Variants in EDIL3 observed in about 807,000 individuals in gnomAD.
The protein encoded by EDIL3 is EGF like and discoidin domains 3.
A neutral mutation model predicts 67.4 loss-of-function variants in EDIL3; 37 were observed. The ratio of observed to expected loss-of-function variants is 0.55; its 90% confidence interval spans 0.42 to 0.72. The LOEUF (loss-of-function observed/expected upper bound fraction) is 0.72, where lower values mean the gene tolerates loss of function less well. EDIL3 is among the 30% of genes least tolerant of loss of function. The pLI is 0.00. For missense variants in EDIL3, 527 were observed against 586.3 expected, an observed-to-expected ratio of 0.90 and a Z score of 1.04; for synonymous variants, 195 against 196.3, an observed-to-expected ratio of 0.99 and a Z score of 0.05.
intron 1 of EDIL3, among the ~76,000 whole-genome samples, chr5:84,277,709 A>C (rs1580051065): frequency 6.6e-6 from 1 of 152,194 alleles, no homozygotes; most frequent in African/African-American, 2.4e-5. Flanking sequence ...TCATAGACAT[A>C]TATTTTAAAT....
At chr5:84,194,012 C>A (rs1373327603) in intron 3 of EDIL3, among the ~76,000 whole-genome samples, 1 of 151,772 alleles carries the variant, frequency 6.6e-6, no homozygotes, top group Admixed American at 6.6e-5. Context: ...TATAGGGAAC[C>A]ACTTTCACAT....
intron 2 of EDIL3, among the ~76,000 whole-genome samples, chr5:84,233,394 T>TAGA (rs1561229653): frequency 1.5e-4 from 23 of 152,298 alleles, no homozygotes; most frequent in African/African-American, 5.3e-4. Flanking sequence ...CCATCAAAGT[T>TAGA]TATTTCACTG....
At chr5:83,958,531 T>A (rs1744553793) in intron 10 of EDIL3, among the ~76,000 whole-genome samples, 1 of 151,502 alleles carries the variant, frequency 6.6e-6, no homozygotes, top group Admixed American at 6.6e-5. Context: ...AAACCCTGGA[T>A]AATTTTAGGG....
At chr5:84,071,147 C>A (rs779532039) in intron 6 of EDIL3, among the ~76,000 whole-genome samples, 2 of 152,058 alleles carry the variant, frequency 1.3e-5, no homozygotes, top group African/African-American at 4.8e-5. Flanking sequence ...GTGATGAGGT[C>A]CTGGTAAGAG....
At chr5:84,204,914 C>T (rs1743930940) in intron 3 of EDIL3, among the ~76,000 whole-genome samples, 1 of 151,138 alleles carries the variant, frequency 6.6e-6, no homozygotes, top group Non-Finnish European at 1.5e-5. Flanking sequence ...AATAGTAACG[C>T]TTTTGTGTGT....
chr5:84,240,041 C>T (rs1375096512), intron 2 of EDIL3, among the ~76,000 whole-genome samples: 1 of 152,186 alleles, frequency 6.6e-6, no homozygotes, highest in Admixed American at 6.5e-5. Flanking sequence ...CTTCCAATAA[C>T]TAATTTCTGG....
intron 5 of EDIL3, among the ~76,000 whole-genome samples, chr5:84,136,505 C>T (rs995541548): frequency 1.3e-5 from 2 of 151,708 alleles, no homozygotes; most frequent in African/African-American, 4.8e-5. Context: ...GTGGTGCTTT[C>T]TGCCTCTTTG....
chr5:83,981,723 C>A (rs2112149360), intron 9 of EDIL3, among the ~76,000 whole-genome samples: 1 of 152,138 alleles, frequency 6.6e-6, no homozygotes, highest in East Asian at 1.9e-4. Context: ...AAACTAATAA[C>A]AGGACTGTTT....
chr5:84,188,068 T>C (rs1052953736), intron 3 of EDIL3, among the ~76,000 whole-genome samples: 8 of 151,998 alleles, frequency 5.3e-5, no homozygotes, highest in Admixed American at 2.0e-4. Flanking sequence ...AACCTGAAGA[T>C]AGAGATTTCC....
At chr5:84,303,850 T>TTTG (rs1554041094) in intron 1 of EDIL3, among the ~76,000 whole-genome samples, 6,446 of 97,818 alleles carry the variant, frequency 0.066, 173 homozygotes, top group Non-Finnish European at 0.083. Flanking sequence ...GTGTGTGTGT[T>TTTG]TGTGTGTGTG....
chr5:83,956,587 C>T (rs1440801405), intron 10 of EDIL3, among the ~76,000 whole-genome samples: 3 of 151,842 alleles, frequency 2.0e-5, no homozygotes, highest in African/African-American at 7.2e-5. Flanking sequence ...GTCAATTATT[C>T]TGTACTTAGA....
At chr5:84,031,634 A>G (rs1031272498) in intron 9 of EDIL3, among the ~76,000 whole-genome samples, 1 of 152,234 alleles carries the variant, frequency 6.6e-6, no homozygotes, top group South Asian at 2.1e-4. Context: ...CACATCAAGA[A>G]GATGGTCATC....
At chr5:84,071,097 C>A (rs1415589266) in intron 6 of EDIL3, among the ~76,000 whole-genome samples, 21 of 152,118 alleles carry the variant, frequency 1.4e-4, no homozygotes, top group Admixed American at 1.4e-3. Context: ...TACCCTCTGC[C>A]CTCCACATCA....
chr5:84,078,482 TC>T, intron 6 of EDIL3: 1 of 152,162 alleles, frequency 6.6e-6, no homozygotes, highest in Non-Finnish European at 1.5e-5. Context: ...TCATGTACTC[TC>T]CAATAATTGA....
chr5:84,328,952 G>A (rs1359350020), intron 1 of EDIL3, among the ~76,000 whole-genome samples: 1 of 151,912 alleles, frequency 6.6e-6, no homozygotes, highest in Non-Finnish European at 1.5e-5. Context: ...ACAGTTTTTT[G>A]CCACAGAACC....
chr5:84,229,876 C>T lies in EDIL3; in HGVS notation c.205G>A (p.Glu69Lys). The change falls in exon 3 of 11, where the codon GAA (glutamate) becomes AAA (lysine). Residue 69 changes from glutamate to lysine, a missense_variant. By Grantham distance (56) the Glu-to-Lys change is moderately conservative. Coordinates refer to ENST00000296591, the MANE Select transcript of EDIL3 (RefSeq NM_005711.5). ...CSSVVEVASD[E>K]EEPTSAGPCT... The stretch of plus-strand genomic sequence containing the variant: ...TTACCTGCTGAAGTTGGTTCTTCTT[C>T]ATCTGATGCTATGATAAGAGGAAAA... 6.3e-7 allele frequency: 1 copy of T among 1,592,114 alleles called. No individual in the cohort carries two copies. Among genetic ancestry groups the T allele is most frequent in the Non-Finnish European group, 8.6e-7 (1 of 1,168,384 alleles).
Position 84,104,266 on chromosome 5 carries a change from A to G in EDIL3, c.651+2383T>C, listed in dbSNP as rs184625375. 3.8e-3 allele frequency among the ~76,000 whole-genome samples: 585 copies of G among 152,106 alleles called. 2 individuals are homozygous for G. The highest frequency in any genetic ancestry group is 6.8e-3 in the Non-Finnish European group (464 of 67,926). ...GGGAGGAGGGAAAGGACTAGGAAAT[A>G]TAACTAATGGATACTAGGCTTAATA... On this transcript the variant is annotated intron_variant, in intron 6 of 10. Transcript: ENST00000296591.
At chr5:84,281,855 C>CTT (rs10708663) in intron 1 of EDIL3, among the ~76,000 whole-genome samples, 3,060 of 72,526 alleles carry the variant, frequency 0.042, 46 homozygotes, top group African/African-American at 0.068. Flanking sequence ...TTTTATTTCA[C>CTT]TTTTTTTTTT....
chr5:84,043,073 T>A (rs1746160534), intron 9 of EDIL3, among the ~76,000 whole-genome samples: 1 of 152,212 alleles, frequency 6.6e-6, no homozygotes, highest in Admixed American at 6.5e-5. Flanking sequence ...TCCTCTGTCA[T>A]TTTAAGCAAG....
Sources: allele counts gnomAD v4.1 joint callset (sites outside exome capture counted in the v4.1 genomes callset), GRCh38; gene constraint gnomAD v4.1.1; transcripts MANE v1.5; gene names NCBI Gene and HGNC (gene_info 2026-07-23, HGNC 2026-07-21).